The following PRKAG2 variants were observed in gnomAD, a reference collection of about 807,000 sequenced individuals.
PRKAG2 encodes the protein protein kinase AMP-activated non-catalytic subunit gamma 2.
Under a neutral mutation model 69.6 loss-of-function variants are expected in PRKAG2, and 26 were observed. That is an observed-to-expected ratio of 0.37 (90% CI 0.27 to 0.52). PRKAG2 has a LOEUF of 0.52. Ranked by LOEUF, PRKAG2 falls within the 20% of genes least tolerant of loss-of-function variation. PRKAG2 has a pLI of 0.90. For missense variants in PRKAG2, 557 were observed against 740.0 expected (o/e 0.75, Z 2.87); for synonymous variants, 293 against 285.0 (o/e 1.03, Z -0.28).
chr7:151,665,490 G>A (rs1176152608), intron 4 of PRKAG2, among the ~76,000 whole-genome samples: 1 of 152,074 alleles, frequency 6.6e-6, no homozygotes, highest in East Asian at 1.9e-4. Flanking sequence ...TAGGAAGAAT[G>A]CCAATTATAA....
At chr7:151,705,648 G>A (rs931507501) in intron 3 of PRKAG2, among the ~76,000 whole-genome samples, 1 of 152,164 alleles carries the variant, frequency 6.6e-6, no homozygotes, top group African/African-American at 2.4e-5. Flanking sequence ...ATTTGTCCAG[G>A]ATCAGCTCAC....
rs370022387 is a variant in PRKAG2 at position 151,758,366 on chromosome 7, G to C, written c.466+22786C>G. On this transcript the variant is annotated intron_variant, in intron 3 of 15. Coordinates refer to ENST00000287878, the MANE Select transcript of PRKAG2 (RefSeq NM_016203.4). ...ACAGTCGCTTCCAAAAAGAGAATCT[G>C]TGGCATCTGGTTTTGATGCTAGGAA... Among the ~76,000 whole-genome samples, 3 of 152,358 alleles carry C rather than the reference G, an allele frequency of 2.0e-5. No homozygotes were observed. In the East Asian group the frequency reaches 5.8e-4, roughly 29 times the overall value.
At chr7:151,746,195 C>T (rs2074272870) in intron 3 of PRKAG2, among the ~76,000 whole-genome samples, 1 of 152,244 alleles carries the variant, frequency 6.6e-6, no homozygotes, top group Admixed American at 6.5e-5. Context: ...TCTCTCACTT[C>T]TAGGCGATGG....
intron 3 of PRKAG2, among the ~76,000 whole-genome samples, chr7:151,689,464 C>G (rs1465632695): frequency 6.6e-6 from 1 of 152,228 alleles, no homozygotes; most frequent in Non-Finnish European, 1.5e-5. Flanking sequence ...TTCTACCTGG[C>G]ACGATGGGGT....
At chr7:151,858,082 C>A (rs994612875) in intron 1 of PRKAG2, among the ~76,000 whole-genome samples, 1 of 152,238 alleles carries the variant, frequency 6.6e-6, no homozygotes, top group African/African-American at 2.4e-5. Flanking sequence ...GGAGGAGCCA[C>A]CTTCCCAAGG....
rs572066829 is a variant in PRKAG2, at chr7:151,808,471, T to TA, written c.115-21931_115-21930insT. The stretch of plus-strand genomic sequence containing the variant: ...GAGCAGCAGGGAAACAGGAGGCCTC[T>TA]CTCCTGCAAAGCTGGTCCAAAGTGC... On this transcript the variant is annotated intron_variant, in intron 1 of 15. Coordinates refer to ENST00000287878, the MANE Select transcript of PRKAG2 (RefSeq NM_016203.4). Among the ~76,000 whole-genome samples, 58 of 152,060 alleles carry TA rather than the reference T, an allele frequency of 3.8e-4. No homozygotes were observed. The East Asian group carries it at 4.3e-3, about 11-fold the overall frequency.
chr7:151,559,571 T>C, intron 15 of PRKAG2: 1 of 985,132 alleles, frequency 1.0e-6, no homozygotes, highest in Non-Finnish European at 1.2e-6. Context: ...GAATTTCTCT[T>C]GGTGTTCTCA....
intron 12 of PRKAG2, 84 bp downstream of exon 12, chr7:151,565,636 G>C: frequency 6.5e-7 from 1 of 1,528,282 alleles, no homozygotes; most frequent in East Asian, 2.3e-5. Flanking sequence ...TTTTCCCCAC[G>C]TATCTCCTGT....
chr7:151,834,475 G>C (rs940679080), intron 1 of PRKAG2, among the ~76,000 whole-genome samples: 4 of 150,944 alleles, frequency 2.6e-5, no homozygotes, highest in Admixed American at 2.0e-4. Flanking sequence ...CAACCAATCA[G>C]TACATCACGT....
intron 3 of PRKAG2, among the ~76,000 whole-genome samples, chr7:151,714,875 A>G (rs1318269846): frequency 4.6e-5 from 7 of 151,632 alleles, no homozygotes; most frequent in South Asian, 4.2e-4. Flanking sequence ...GCTTGAACCC[A>G]GGAGGTGGAG....
rs1354580183 is a variant in PRKAG2 at position 151,632,466 on chromosome 7, GGGCCCGGGGCGCCCCCCTCCGGCCGT to G, written c.685-354_685-329del. The stretch of plus-strand genomic sequence containing the variant: ...CGGGAGCTCGAGGGCGGCAGCGCCT[GGGCCCGGGGCGCCCCCCTCCGGCCGT>G]GGCCCGCGTCCTCCCCGCCGTGCCG... On this transcript the variant is annotated intron_variant, in intron 4 of 15. Transcript: ENST00000287878. The surrounding 1 kb of genome is among the most constrained non-coding windows in gnomAD (Gnocchi z 4.2). 1.4e-6 allele frequency: 1 copy of G among 725,502 alleles called. No homozygotes were observed. Among genetic ancestry groups the G allele is most frequent in the Non-Finnish European group, 1.7e-6 (1 of 593,240 alleles). The allele number at this position is 725,502 out of a possible 1,614,324, so 44.9% of individuals were successfully genotyped here.
chr7:151,704,500 C>G (rs547382912), intron 3 of PRKAG2, among the ~76,000 whole-genome samples: 11 of 152,322 alleles, frequency 7.2e-5, no homozygotes, highest in Non-Finnish European at 1.5e-4. Flanking sequence ...TGCAAATCTA[C>G]CATCATGTGT....
At chr7:151,825,223 C>A (rs1344338627) in intron 1 of PRKAG2, among the ~76,000 whole-genome samples, 1 of 152,114 alleles carries the variant, frequency 6.6e-6, no homozygotes, top group Non-Finnish European at 1.5e-5. Context: ...CCAAAAAAAA[C>A]AGAAGGTCAT....
intron 1 of PRKAG2, among the ~76,000 whole-genome samples, chr7:151,817,155 T>C (rs73728404): frequency 1.2e-3 from 176 of 152,154 alleles, no homozygotes; most frequent in African/African-American, 4.0e-3. Context: ...TGCAGGTGGC[T>C]CTGAGCTTTC....
intron 3 of PRKAG2, among the ~76,000 whole-genome samples, chr7:151,731,093 G>A (rs1228541885): frequency 2.0e-5 from 3 of 152,196 alleles, no homozygotes; most frequent in Non-Finnish European, 2.9e-5. Flanking sequence ...GGGTGAAAGC[G>A]CTACTACAGT....
At chr7:151,620,550 T>C (rs1821244263) in intron 5 of PRKAG2, among the ~76,000 whole-genome samples, 1 of 152,068 alleles carries the variant, frequency 6.6e-6, no homozygotes, top group Non-Finnish European at 1.5e-5. Flanking sequence ...TGATCACTGC[T>C]CACTGCAACC....
chr7:151,609,050 A>G (rs1818170730), intron 5 of PRKAG2, among the ~76,000 whole-genome samples: 1 of 152,126 alleles, frequency 6.6e-6, no homozygotes, highest in South Asian at 2.1e-4. Context: ...AACAGCATTG[A>G]TCTAAATAAA....
chr7:151,561,911 C>T (rs1441097056), intron 14 of PRKAG2, among the ~76,000 whole-genome samples: 3 of 133,086 alleles, frequency 2.3e-5, no homozygotes, highest in Non-Finnish European at 4.7e-5. Context: ...CCAGCCTGGG[C>T]GACAGAGCGA....
At chr7:151,569,883 T>C (rs1807139544) in intron 10 of PRKAG2, among the ~76,000 whole-genome samples, 1 of 152,156 alleles carries the variant, frequency 6.6e-6, no homozygotes, top group South Asian at 2.1e-4. Context: ...AGGTCAGGGG[T>C]AAAAGCCCAG....
Sources: gnomAD v4.1 joint callset for allele counts (sites outside exome capture counted in the v4.1 genomes callset) on GRCh38, gnomAD v4.1.1 for gene constraint, Gnocchi (gnomAD v3.1) non-coding constraint, MANE v1.5 for transcripts, NCBI Gene and HGNC (gene_info 2026-07-23, HGNC 2026-07-21) for gene names.